Variants in ZNF536 observed in about 807,000 individuals in gnomAD.
ZNF536 encodes zinc finger protein 536.
ZNF536 carries 13 observed loss-of-function variants against 84.5 expected under a neutral mutation model. That is an observed-to-expected ratio of 0.15 (90% CI 0.10 to 0.24). The LOEUF (loss-of-function observed/expected upper bound fraction) is 0.24. Ranked by LOEUF, ZNF536 falls within the 10% of genes least tolerant of loss-of-function variation. The pLI, the probability that ZNF536 is intolerant of heterozygous loss-of-function variation, is 1.00. For missense variants in ZNF536, 1,536 were observed against 1,747.5 expected (o/e 0.88, Z 2.16); for synonymous variants, 811 against 742.5 (o/e 1.09, Z -1.50).
intron 1 of ZNF536, among the ~76,000 whole-genome samples, chr19:30,569,611 C>T (rs1449595209): frequency 8.0e-6 from 1 of 125,174 alleles, no homozygotes; most frequent in Non-Finnish European, 1.6e-5. Flanking sequence ...TGCTCTGTCA[C>T]CCAGTCTGGA....
chr19:30,624,596 C>A (rs1299693029), intron 1 of ZNF536, among the ~76,000 whole-genome samples: 1 of 152,144 alleles, frequency 6.6e-6, no homozygotes, highest in Non-Finnish European at 1.5e-5. Flanking sequence ...ATTATTATTT[C>A]AGGCTTGTTC....
intron 2 of ZNF536, among the ~76,000 whole-genome samples, chr19:30,519,488 A>G (rs552786203): frequency 3.7e-4 from 57 of 152,266 alleles, no homozygotes; most frequent in African/African-American, 1.3e-3. Flanking sequence ...CAGCTGCAAG[A>G]GGAGGGGGCT....
chr19:30,455,741 T>C (rs540843899), intron 2 of ZNF536, among the ~76,000 whole-genome samples: 1 of 152,344 alleles, frequency 6.6e-6, no homozygotes, highest in East Asian at 1.9e-4. Context: ...ACATTTGAAT[T>C]ATTCTCTTTT....
upstream of ZNF536, among the ~76,000 whole-genome samples, chr19:30,228,009 AG>A (rs1568504241): frequency 6.6e-6 from 1 of 152,044 alleles, no homozygotes; most frequent in Non-Finnish European, 1.5e-5. This position sits in a 1 kb window ranked among gnomAD's most constrained non-coding sequence, Gnocchi z 4.5. Context: ...GTCTCCAGCC[AG>A]GGCTTAGGTG....
chr19:30,652,618 G>T (rs955539481), intron 1 of ZNF536, among the ~76,000 whole-genome samples: 1 of 152,136 alleles, frequency 6.6e-6, no homozygotes, highest in East Asian at 1.9e-4. Context: ...AATGAGCCCC[G>T]TCATTCTGTA....
intron 1 of ZNF536, among the ~76,000 whole-genome samples, chr19:30,441,526 A>G (rs2052047308): frequency 6.6e-6 from 1 of 152,070 alleles, no homozygotes; most frequent in Non-Finnish European, 1.5e-5. Context: ...CTCCAGTGGC[A>G]AGGCTAGGGA....
intron 2 of ZNF536, among the ~76,000 whole-genome samples, chr19:30,509,387 A>G (rs1311491076): frequency 1.4e-5 from 2 of 143,882 alleles, no homozygotes; most frequent in Non-Finnish European, 3.1e-5. Context: ...TATATATTAT[A>G]TCTTATACAT....
intron 1 of ZNF536, among the ~76,000 whole-genome samples, chr19:30,695,309 A>G (rs1473491266): frequency 6.6e-6 from 1 of 152,202 alleles, no homozygotes; most frequent in Non-Finnish European, 1.5e-5. Context: ...GAACCCCCAG[A>G]AAGAGGTCCT....
intron 1 of ZNF536, among the ~76,000 whole-genome samples, chr19:30,404,901 G>A (rs1345477576): frequency 6.6e-6 from 1 of 152,192 alleles, no homozygotes; most frequent in Admixed American, 6.5e-5. Flanking sequence ...TGACCAACAG[G>A]CTTCACGTTG....
chr19:30,395,397 C>T (rs781322715), intron 1 of ZNF536, among the ~76,000 whole-genome samples: 5 of 152,178 alleles, frequency 3.3e-5, no homozygotes, highest in Non-Finnish European at 5.9e-5. Flanking sequence ...TGCAGTTTAA[C>T]GTTAAAACCC....
intron 2 of ZNF536, among the ~76,000 whole-genome samples, chr19:30,345,110 C>T (rs1396447395): frequency 6.6e-6 from 1 of 152,218 alleles, no homozygotes; most frequent in Non-Finnish European, 1.5e-5. Context: ...TAGTTTAATT[C>T]GTTCTTGCAA....
intron 1 of ZNF536, among the ~76,000 whole-genome samples, chr19:30,612,211 T>A (rs1025819957): frequency 5.3e-5 from 8 of 152,214 alleles, no homozygotes; most frequent in Non-Finnish European, 1.2e-4. Flanking sequence ...AAATTGTGAA[T>A]GGGTGATTCG....
intron 1 of ZNF536, among the ~76,000 whole-genome samples, chr19:30,699,886 C>T (rs1489865744): frequency 6.6e-6 from 1 of 152,230 alleles, no homozygotes; most frequent in Non-Finnish European, 1.5e-5. Flanking sequence ...CACTCATGAA[C>T]CTGTTGTACC....
At chr19:30,482,579 A>G (rs555188572) in intron 2 of ZNF536, among the ~76,000 whole-genome samples, 2 of 151,884 alleles carry the variant, frequency 1.3e-5, no homozygotes, top group Non-Finnish European at 1.5e-5. Context: ...ATTCCTCCCT[A>G]TTAGTTAGAA....
intron 1 of ZNF536, among the ~76,000 whole-genome samples, chr19:30,610,482 A>T (rs2048067603): frequency 6.6e-6 from 1 of 152,214 alleles, no homozygotes; most frequent in Admixed American, 6.5e-5. Context: ...CTGCTCCATC[A>T]GCAGGTGCTA....
At chr19:30,387,861 A>G (rs2049409586) in intron 1 of ZNF536, among the ~76,000 whole-genome samples, 1 of 152,006 alleles carries the variant, frequency 6.6e-6, no homozygotes, top group Admixed American at 6.5e-5. Context: ...TGCTTGAGGG[A>G]TGGGGTTGGG....
At chr19:30,372,962 G>C (rs1338265157) in intron 1 of ZNF536, among the ~76,000 whole-genome samples, 1 of 151,920 alleles carries the variant, frequency 6.6e-6, no homozygotes, top group Non-Finnish European at 1.5e-5. Context: ...GTCTCTTTCT[G>C]AAAGATGAGC....
At chr19:30,321,778 T>C (rs1176219822) in intron 2 of ZNF536, among the ~76,000 whole-genome samples, 1 of 150,354 alleles carries the variant, frequency 6.7e-6, no homozygotes, top group South Asian at 2.1e-4. Context: ...TTTTTCTTTC[T>C]TTCTTTTTTT....
intron 1 of ZNF536, among the ~76,000 whole-genome samples, chr19:30,568,902 G>A (rs572592600): frequency 2.0e-5 from 3 of 152,348 alleles, no homozygotes; most frequent in African/African-American, 7.2e-5. Context: ...GCCTCTCAGG[G>A]CCCCTGCTTT....
Sources: gnomAD v4.1 joint callset for allele counts (sites outside exome capture counted in the v4.1 genomes callset) on GRCh38, gnomAD v4.1.1 for gene constraint, Gnocchi (gnomAD v3.1) non-coding constraint, MANE v1.5 for transcripts, NCBI Gene and HGNC (gene_info 2026-07-23, HGNC 2026-07-21) for gene names.